Variants in ASPRV1 observed in about 807,000 individuals in gnomAD.
ASPRV1 encodes the protein aspartic peptidase retroviral like 1.
ASPRV1 carries 7 observed loss-of-function variants against 11.0 expected under a neutral mutation model. The ratio of observed to expected loss-of-function variants is 0.64; its 90% CI spans 0.36 to 1.20. The LOEUF (loss-of-function observed/expected upper bound fraction) is 1.20, where lower values mean the gene tolerates loss of function less well. ASPRV1 is among the 50% of genes most tolerant of loss of function. The pLI is 0.02. For missense variants in ASPRV1, 299 were observed against 320.0 expected, an observed-to-expected ratio of 0.93 and a Z score of 0.50; for synonymous variants, 136 against 138.4, an observed-to-expected ratio of 0.98 and a Z score of 0.12.
the ASPRV1 span, among the ~76,000 whole-genome samples, chr2:70,013,119 A>T: frequency 6.6e-6 from 1 of 152,256 alleles, no homozygotes; most frequent in Non-Finnish European, 1.5e-5. Context: ...ATGTGCCTAC[A>T]TTTAGAAGAT....
At chr2:69,991,380 A>G in the ASPRV1 span, among the ~76,000 whole-genome samples, 1 of 152,200 alleles carries the variant, frequency 6.6e-6, no homozygotes, top group Non-Finnish European at 1.5e-5. Context: ...TGAACGAATC[A>G]TTTTAGTGAA....
the ASPRV1 span, chr2:70,053,622 T>C: frequency 1.3e-5 from 2 of 152,214 alleles, no homozygotes; most frequent in Non-Finnish European, 2.9e-5. Context: ...TCAGGCTTGT[T>C]GTTAAGCAGA....
chr2:70,041,377 G>C, the ASPRV1 span, among the ~76,000 whole-genome samples: 2 of 152,158 alleles, frequency 1.3e-5, no homozygotes, highest in Non-Finnish European at 2.9e-5. Context: ...TTCCATTCCT[G>C]GTACGTGGTC....
At chr2:70,053,272 C>T in the ASPRV1 span, among the ~76,000 whole-genome samples, 4 of 152,130 alleles carry the variant, frequency 2.6e-5, no homozygotes, top group South Asian at 8.3e-4. Context: ...GCAGACTACA[C>T]TTCTTGTTTG....
the ASPRV1 span, among the ~76,000 whole-genome samples, chr2:70,083,242 G>A: frequency 1.3e-5 from 2 of 152,196 alleles, no homozygotes; most frequent in South Asian, 2.1e-4. Flanking sequence ...CCATAACTAA[G>A]AGTCAAGAGG....
At chr2:69,982,214 C>A in the ASPRV1 span, among the ~76,000 whole-genome samples, 1 of 151,718 alleles carries the variant, frequency 6.6e-6, no homozygotes, top group Non-Finnish European at 1.5e-5. Flanking sequence ...CATGGTGGCT[C>A]ATGCCTATAA....
At chr2:69,988,763 C>T in the ASPRV1 span, 9 of 456,566 alleles carry the variant, frequency 2.0e-5, no homozygotes, top group African/African-American at 1.0e-4. Flanking sequence ...TTGCCCCAGA[C>T]GAGAGCTTAT....
At chr2:70,009,329 T>TATTTATTG in the ASPRV1 span, among the ~76,000 whole-genome samples, 2 of 151,718 alleles carry the variant, frequency 1.3e-5, no homozygotes, top group African/African-American at 4.8e-5. Context: ...TTTATTTATT[T>TATTTATTG]ATTTATTTAT....
chr2:70,032,080 T>C, the ASPRV1 span: 1 of 152,154 alleles, frequency 6.6e-6, no homozygotes, highest in East Asian at 1.9e-4. Flanking sequence ...CAGAATCTGG[T>C]CTGAGAGTGG....
At chr2:70,076,225 C>T in the ASPRV1 span, among the ~76,000 whole-genome samples, 1 of 152,194 alleles carries the variant, frequency 6.6e-6, no homozygotes, top group Non-Finnish European at 1.5e-5. Flanking sequence ...GCAGTTTTTG[C>T]CCAGTCTTCC....
the ASPRV1 span, chr2:70,046,195 T>C: frequency 4.6e-5 from 7 of 152,086 alleles, no homozygotes; most frequent in Admixed American, 3.3e-4. Context: ...TGTGGTGTTT[T>C]GTTTTTTGTT....
At chr2:70,034,665 C>T in the ASPRV1 span, among the ~76,000 whole-genome samples, 1 of 152,024 alleles carries the variant, frequency 6.6e-6, no homozygotes. Context: ...TGGTATGATA[C>T]CACTGCCCAC....
the ASPRV1 span, among the ~76,000 whole-genome samples, chr2:69,985,015 C>T: frequency 6.6e-6 from 1 of 152,120 alleles, no homozygotes; most frequent in African/African-American, 2.4e-5. Context: ...CACCACCACG[C>T]CCAGCTAATT....
the ASPRV1 span, among the ~76,000 whole-genome samples, chr2:70,010,383 A>G: frequency 6.6e-6 from 1 of 152,132 alleles, no homozygotes; most frequent in Non-Finnish European, 1.5e-5. Flanking sequence ...AGTTGGATAG[A>G]TAGGCAGTAG....
In ASPRV1 at chr2:69,960,774, C is replaced by T; in HGVS notation, c.663G>A (p.Leu221=). 1 of 1,614,152 alleles carries T rather than the reference C, an allele frequency of 6.2e-7. No homozygotes were observed. The highest frequency in any genetic ancestry group is 1.3e-5 in the African/African-American group (1 of 75,030). The change falls in exon 1 of 1, where the codon CTG becomes CTA. Residue 221 remains leucine, a synonymous_variant. Coordinates refer to ENST00000320256, the MANE Select transcript of ASPRV1 (RefSeq NM_152792.4). The part of the protein sequence containing the change: ...ILDFEHRTCT[L]KGKKFRLLPV... ...GCAGAAGGCGAAACTTCTTCCCTTT[C>T]AGGGTGCATGTGCGGTGCTCAAAGT...
At chr2:70,023,188 A>G in the ASPRV1 span, among the ~76,000 whole-genome samples, 1 of 152,278 alleles carries the variant, frequency 6.6e-6, no homozygotes, top group East Asian at 1.9e-4. Context: ...ACCCCTCCCC[A>G]CTGCCACATG....
chr2:69,992,373 G>A, the ASPRV1 span, among the ~76,000 whole-genome samples: 35 of 152,070 alleles, frequency 2.3e-4, no homozygotes, highest in Middle Eastern at 3.2e-3. Flanking sequence ...TCTAGACTTC[G>A]GTCCTTCTGG....
the ASPRV1 span, among the ~76,000 whole-genome samples, chr2:70,080,720 A>G: frequency 3.3e-5 from 5 of 152,232 alleles, no homozygotes; most frequent in Admixed American, 6.5e-5. Context: ...TCAAATCTCA[A>G]TAATATACAC....
the ASPRV1 span, among the ~76,000 whole-genome samples, chr2:70,085,123 G>A: frequency 6.6e-6 from 1 of 152,218 alleles, no homozygotes; most frequent in Non-Finnish European, 1.5e-5. Context: ...CTTGGTGCCA[G>A]AGCGAATTTA....
Sources: gnomAD v4.1 joint callset for allele counts (sites outside exome capture counted in the v4.1 genomes callset) on GRCh38, gnomAD v4.1.1 for gene constraint, MANE v1.5 for transcripts, NCBI Gene and HGNC (gene_info 2026-07-23, HGNC 2026-07-21) for gene names.